The following ZCCHC7 variants were observed in gnomAD, a reference collection of about 807,000 sequenced individuals.
ZCCHC7 encodes the protein zinc finger CCHC domain-containing protein 7.
ZCCHC7 carries 35 observed loss-of-function variants against 52.0 expected under a neutral mutation model. The observed-to-expected ratio is 0.67, with a 90% confidence interval of 0.51 to 0.89. ZCCHC7 has a LOEUF of 0.89. Ranked by LOEUF, ZCCHC7 falls within the 40% of genes least tolerant of loss-of-function variation. The probability of loss-of-function intolerance (pLI) is 0.00; values close to 1 mark genes in which losing one functional copy is unlikely to be tolerated. For synonymous variants in ZCCHC7, 217 were observed against 221.5 expected (o/e 0.98, Z 0.18); for missense variants, 574 against 649.1 (o/e 0.88, Z 1.26).
chr9:37,128,890 G>T (rs1423381598), intron 2 of ZCCHC7, among the ~76,000 whole-genome samples: 1 of 152,186 alleles, frequency 6.6e-6, no homozygotes, highest in Non-Finnish European at 1.5e-5. Flanking sequence ...TAACACTATA[G>T]AAGGCCAAAA....
chr9:37,226,514 T>A (rs1018684107), intron 2 of ZCCHC7, among the ~76,000 whole-genome samples: 1 of 152,220 alleles, frequency 6.6e-6, no homozygotes, highest in African/African-American at 2.4e-5. Flanking sequence ...ATTGTGAAGA[T>A]TAGTATGTAG....
At chr9:37,297,566 A>G (rs1828844497) in intron 2 of ZCCHC7, among the ~76,000 whole-genome samples, 1 of 152,226 alleles carries the variant, frequency 6.6e-6, no homozygotes, top group Non-Finnish European at 1.5e-5. Flanking sequence ...GAGTTTTACA[A>G]TTTTAGATGT....
At chr9:37,223,328 C>T (rs763643379) in intron 2 of ZCCHC7, among the ~76,000 whole-genome samples, 2 of 152,098 alleles carry the variant, frequency 1.3e-5, no homozygotes, top group African/African-American at 4.8e-5. Flanking sequence ...TAATGAAAAT[C>T]TAATACATGG....
chr9:37,295,549 G>C (rs1450007377), intron 2 of ZCCHC7, among the ~76,000 whole-genome samples: 1 of 152,154 alleles, frequency 6.6e-6, no homozygotes, highest in Non-Finnish European at 1.5e-5. Flanking sequence ...AAGTGGTCCT[G>C]AGCTAAAATC....
intron 2 of ZCCHC7, among the ~76,000 whole-genome samples, chr9:37,161,176 C>G (rs1365855886): frequency 6.6e-6 from 1 of 151,980 alleles, no homozygotes; most frequent in Non-Finnish European, 1.5e-5. Flanking sequence ...TCTTGAACTC[C>G]TGACCTCAAG....
intron 2 of ZCCHC7, among the ~76,000 whole-genome samples, chr9:37,153,677 G>A (rs1218766259): frequency 6.6e-6 from 1 of 151,050 alleles, no homozygotes; most frequent in Admixed American, 6.6e-5. Flanking sequence ...GGTCATCAGT[G>A]TTTCTTTTCT....
At chr9:37,216,565 T>C (rs1824517606) in intron 2 of ZCCHC7, among the ~76,000 whole-genome samples, 1 of 152,040 alleles carries the variant, frequency 6.6e-6, no homozygotes, top group South Asian at 2.1e-4. Context: ...TCCCAGCTAC[T>C]TGGGAGGCTG....
intron 2 of ZCCHC7, among the ~76,000 whole-genome samples, chr9:37,151,216 T>G (rs1820508067): frequency 6.6e-6 from 1 of 152,050 alleles, no homozygotes; most frequent in South Asian, 2.1e-4. Context: ...TCCACCCGCC[T>G]CGGCCTCCCA....
chr9:37,333,417 G>A (rs554882825), intron 6 of ZCCHC7, among the ~76,000 whole-genome samples: 2 of 151,640 alleles, frequency 1.3e-5, no homozygotes, highest in East Asian at 1.9e-4. Flanking sequence ...TTTATTTGAC[G>A]GAAAAAGTCC....
chr9:37,337,331 C>T (rs1165545078), intron 6 of ZCCHC7, among the ~76,000 whole-genome samples: 2 of 151,584 alleles, frequency 1.3e-5, no homozygotes, highest in Non-Finnish European at 2.9e-5. Flanking sequence ...CTCCAGCTCG[C>T]CTGGTAATGA....
At chr9:37,122,910 C>A (rs1456522839) in intron 1 of ZCCHC7, among the ~76,000 whole-genome samples, 1 of 152,312 alleles carries the variant, frequency 6.6e-6, no homozygotes, top group Non-Finnish European at 1.5e-5. Context: ...GCACTCTCAC[C>A]TGGGGGACAG....
At chr9:37,285,405 A>C (rs983154663) in intron 2 of ZCCHC7, among the ~76,000 whole-genome samples, 1 of 151,534 alleles carries the variant, frequency 6.6e-6, no homozygotes, top group Non-Finnish European at 1.5e-5. Context: ...TCTCTTTCTC[A>C]TTTTCTTCTA....
At chr9:37,163,753 C>G (rs1393836286) in intron 2 of ZCCHC7, among the ~76,000 whole-genome samples, 1 of 152,124 alleles carries the variant, frequency 6.6e-6, no homozygotes, top group African/African-American at 2.4e-5. Context: ...AAATCTTTGC[C>G]TAACTAAAGG....
intron 4 of ZCCHC7, among the ~76,000 whole-genome samples, chr9:37,304,758 G>A (rs1039402025): frequency 1.5e-4 from 23 of 151,954 alleles, no homozygotes; most frequent in African/African-American, 4.8e-4. Flanking sequence ...GCCTAGTGTC[G>A]GAGAAATAAT....
intron 6 of ZCCHC7, among the ~76,000 whole-genome samples, chr9:37,344,518 C>T (rs1212705396): frequency 6.6e-6 from 1 of 152,118 alleles, no homozygotes; most frequent in African/African-American, 2.4e-5. Context: ...TAAGTTTGTT[C>T]CTACCATAGG....
intron 2 of ZCCHC7, among the ~76,000 whole-genome samples, chr9:37,268,890 G>T (rs1244459779): frequency 6.6e-6 from 1 of 152,178 alleles, no homozygotes; most frequent in Non-Finnish European, 1.5e-5. Context: ...CTATGTTAGG[G>T]ATAAGAAGTG....
upstream of ZCCHC7, chr9:37,120,570 G>T: frequency 2.5e-6 from 1 of 399,330 alleles, no homozygotes; most frequent in East Asian, 3.6e-5. Context: ...GCCCCTCCCC[G>T]TCCCTCTACG....
chr9:37,309,662 C>T (rs986704310), intron 5 of ZCCHC7, among the ~76,000 whole-genome samples: 1 of 152,158 alleles, frequency 6.6e-6, no homozygotes, highest in Non-Finnish European at 1.5e-5. Flanking sequence ...GTGGCTCATG[C>T]CTGTTACCCA....
intron 2 of ZCCHC7, among the ~76,000 whole-genome samples, chr9:37,295,982 A>T (rs1196728412): frequency 2.0e-5 from 3 of 152,194 alleles, no homozygotes; most frequent in Non-Finnish European, 4.4e-5. Flanking sequence ...AATGCCTCCT[A>T]GAGGTCAAGT....
Sources: allele counts gnomAD v4.1 joint callset (sites outside exome capture counted in the v4.1 genomes callset), GRCh38; gene constraint gnomAD v4.1.1; transcripts MANE v1.5; gene names NCBI Gene and HGNC (gene_info 2026-07-23, HGNC 2026-07-21).